Variants in MBD5 observed in about 807,000 individuals in gnomAD.
MBD5 encodes the protein methyl-CpG binding domain protein 5, also known as methyl-CpG-binding domain protein 5.
MBD5 carries 13 observed loss-of-function variants against 117.3 expected under a neutral mutation model. That is an observed-to-expected ratio of 0.11 (90% CI 0.07 to 0.18). The LOEUF (loss-of-function observed/expected upper bound fraction) is 0.18, where lower values mean the gene tolerates loss of function less well. Ranked by LOEUF, MBD5 falls within the 10% of genes least tolerant of loss-of-function variation. The probability of loss-of-function intolerance (pLI) is 1.00; values close to 1 mark genes in which losing one functional copy is unlikely to be tolerated. For synonymous variants in MBD5, 727 were observed against 766.4 expected (o/e 0.95, Z 0.85); for missense variants, 1,879 against 2,093.8 (o/e 0.90, Z 2.00).
intron 4 of MBD5, among the ~76,000 whole-genome samples, chr2:148,390,712 A>G (rs1471200166): frequency 6.6e-6 from 1 of 151,900 alleles, no homozygotes; most frequent in African/African-American, 2.4e-5. Context: ...AGTAGCTGGC[A>G]TTACAGGCAT....
chr2:148,186,432 AAG>A (rs752595625), intron 2 of MBD5, among the ~76,000 whole-genome samples: 4 of 152,250 alleles, frequency 2.6e-5, no homozygotes, highest in Non-Finnish European at 5.9e-5. Flanking sequence ...GGAAATAAAA[AAG>A]AAGCAGTCAC....
chr2:148,406,854 T>G (rs1705094237), intron 4 of MBD5, among the ~76,000 whole-genome samples: 1 of 152,218 alleles, frequency 6.6e-6, no homozygotes, highest in Non-Finnish European at 1.5e-5. Flanking sequence ...CCTTTAGGTC[T>G]TGTTGAAATG....
At chr2:148,312,874 C>T (rs928853881) in intron 3 of MBD5, among the ~76,000 whole-genome samples, 1 of 152,114 alleles carries the variant, frequency 6.6e-6, no homozygotes, top group East Asian at 1.9e-4. Flanking sequence ...CTATTCCTTT[C>T]GGTTTGTTAG....
At chr2:148,178,166 T>G (rs1698434032) in intron 1 of MBD5, among the ~76,000 whole-genome samples, 1 of 152,194 alleles carries the variant, frequency 6.6e-6, no homozygotes, top group Non-Finnish European at 1.5e-5. Context: ...TTTTTTTTTA[T>G]GCTAAGTTTA....
In MBD5 at chr2:148,060,250, G is replaced by A. The variant is rs567542863; in HGVS notation, c.-925+38566G>A. On this transcript the variant is annotated intron_variant, in intron 1 of 13. Transcript: ENST00000642680. ...CTTGAACCTGTGAGGTCAAGGCTGC[G>A]ATGAGCTTTGAACACACCCATTGCA... Among the ~76,000 whole-genome samples the A allele has an allele frequency of 3.4e-5, 5 of 148,580 alleles. No homozygotes were observed. The East Asian group carries it at 8.0e-4, about 24-fold the overall frequency.
chr2:148,110,172 G>A (rs997767567), intron 1 of MBD5, among the ~76,000 whole-genome samples: 1 of 152,118 alleles, frequency 6.6e-6, no homozygotes, highest in African/African-American at 2.4e-5. Context: ...ATAATTCTAT[G>A]AGTTAGATAT....
chr2:148,355,169 ATTAGACC>A (rs1703348334), intron 4 of MBD5, among the ~76,000 whole-genome samples: 1 of 151,892 alleles, frequency 6.6e-6, no homozygotes, highest in African/African-American at 2.4e-5. Context: ...GATGCTGGAT[ATTAGACC>A]TTTGTCAGAT....
intron 12 of MBD5, among the ~76,000 whole-genome samples, chr2:148,509,438 T>C (rs993015537): frequency 3.9e-5 from 6 of 152,250 alleles, no homozygotes; most frequent in Admixed American, 3.3e-4. Context: ...ATAGGCACCC[T>C]GAGGCCGTCA....
In MBD5 at chr2:148,483,600, T is replaced by C. The variant is rs1379042518; in HGVS notation, c.3009T>C (p.Leu1003=). 1 of 1,554,546 alleles carries C rather than the reference T, an allele frequency of 6.4e-7. No individual in the cohort carries two copies. The highest frequency in any genetic ancestry group is 8.7e-7 in the Non-Finnish European group (1 of 1,148,856). Residue 1003 remains leucine, a synonymous_variant, in exon 9 of 14, where the codon CTT becomes CTC. Coordinates refer to ENST00000642680, the MANE Select transcript of MBD5 (RefSeq NM_001378120.1). ...LQNQAQAAAM[L]PLPSFNLTIS... is the part of the protein sequence containing the mutation. ...ACCAAGCCCAAGCAGCTGCCATGCTTCCCCTGCCATCTTTCAATCTGACCA... is the reference window on the plus strand; with the variant it reads ...ACCAAGCCCAAGCAGCTGCCATGCTCCCCCTGCCATCTTTCAATCTGACCA...
chr2:148,449,484 T>C (rs1706661783), intron 4 of MBD5, among the ~76,000 whole-genome samples: 2 of 151,756 alleles, frequency 1.3e-5, no homozygotes, highest in Admixed American at 1.3e-4. Flanking sequence ...TAAGTAAAGA[T>C]TAGGATGATG....
intron 1 of MBD5, among the ~76,000 whole-genome samples, chr2:148,051,533 A>G (rs919896686): frequency 7.4e-5 from 11 of 149,378 alleles, no homozygotes; most frequent in African/African-American, 2.5e-4. Context: ...CTGTCTTACC[A>G]TTATGTTAGT....
At chr2:148,384,145 C>T (rs1193339941) in intron 4 of MBD5, among the ~76,000 whole-genome samples, 2 of 151,976 alleles carry the variant, frequency 1.3e-5, no homozygotes, top group Non-Finnish European at 2.9e-5. Context: ...AAAGGGCATT[C>T]AATTAGGAAA....
chr2:148,268,651 T>C (rs1371145668), intron 3 of MBD5, among the ~76,000 whole-genome samples: 1 of 151,668 alleles, frequency 6.6e-6, no homozygotes, highest in Non-Finnish European at 1.5e-5. Flanking sequence ...AAATGTACCA[T>C]GTACAGTTTC....
intron 4 of MBD5, among the ~76,000 whole-genome samples, chr2:148,418,979 A>G (rs927475334): frequency 6.6e-6 from 1 of 152,188 alleles, no homozygotes; most frequent in Non-Finnish European, 1.5e-5. Context: ...AAATTATGCC[A>G]TTATACAAGG....
chr2:148,470,090 G>A lies in MBD5; in HGVS notation c.2147G>A (p.Ser716Asn), dbSNP rs763035426. 1.9e-6 allele frequency: 3 copies of A among 1,613,752 alleles called. No homozygotes were observed. Among genetic ancestry groups the A allele is most frequent in the Non-Finnish European group, 2.5e-6 (3 of 1,179,912 alleles). Residue 716 changes from serine to asparagine, a missense_variant, in exon 8 of 14, where the codon AGT becomes AAT. Transcript: ENST00000642680. ...ATGAGTTGTCAAAGCTCTCACTTGAGTAGCAATAGTACCCCGGGTTGTGGG... is the reference window on the plus strand; with the variant it reads ...ATGAGTTGTCAAAGCTCTCACTTGAATAGCAATAGTACCCCGGGTTGTGGG... ...QSMSCQSSHLSSNSTPGCGAS... is the reference protein window; with the variant it reads ...QSMSCQSSHLNSNSTPGCGAS...
chr2:148,222,806 A>G (rs1574154839), intron 2 of MBD5, among the ~76,000 whole-genome samples: 1 of 152,054 alleles, frequency 6.6e-6, no homozygotes, highest in South Asian at 2.1e-4. Context: ...TTCCAGTACT[A>G]TGTCGAGTAA....
intron 3 of MBD5, among the ~76,000 whole-genome samples, chr2:148,259,134 A>G (rs982702631): frequency 1.3e-5 from 2 of 152,118 alleles, no homozygotes; most frequent in Non-Finnish European, 2.9e-5. Flanking sequence ...ATTTACTCAC[A>G]GTTTCAGGTA....
At chr2:148,084,881 T>G (rs181582092) in intron 1 of MBD5, among the ~76,000 whole-genome samples, 2 of 152,330 alleles carry the variant, frequency 1.3e-5, no homozygotes, top group African/African-American at 2.4e-5. Context: ...ATTTCCTTGT[T>G]GCCATCATTT....
At chr2:148,356,434 C>T (rs1703382093) in intron 4 of MBD5, among the ~76,000 whole-genome samples, 1 of 151,954 alleles carries the variant, frequency 6.6e-6, no homozygotes, top group Non-Finnish European at 1.5e-5. Context: ...TGTCACTCTC[C>T]CCCACTGGAC....
Sources: gnomAD v4.1 joint callset for allele counts (sites outside exome capture counted in the v4.1 genomes callset) on GRCh38, gnomAD v4.1.1 for gene constraint, MANE v1.5 for transcripts, NCBI Gene and HGNC (gene_info 2026-07-23, HGNC 2026-07-21) for gene names.